Variants in LETM2 observed in about 807,000 individuals in gnomAD.
LETM2 encodes the protein LETM1 domain-containing protein LETM2, mitochondrial.
LETM2 carries 58 observed loss-of-function variants against 59.6 expected under a neutral mutation model. The observed-to-expected ratio is 0.97, with a 90% CI of 0.79 to 1.21. The LOEUF (loss-of-function observed/expected upper bound fraction) is 1.21. LETM2 is among the 50% of genes most tolerant of loss of function. The probability of loss-of-function intolerance (pLI) is 0.00; values close to 1 mark genes in which losing one functional copy is unlikely to be tolerated. For missense variants in LETM2, 572 were observed against 575.7 expected (o/e 0.99, Z 0.07); for synonymous variants, 199 against 214.1 (o/e 0.93, Z 0.62).
intron 8 of LETM2, chr8:38,406,745 C>CA: frequency 2.1e-6 from 1 of 466,746 alleles, no homozygotes; most frequent in South Asian, 4.8e-5. Flanking sequence ...ATAAAGTACT[C>CA]AAAACTCAAA....
At chr8:38,392,476 C>A (rs1812371011) in intron 2 of LETM2, 66 bp from the exon 3 acceptor site, 2 of 964,652 alleles carry the variant, frequency 2.1e-6, no homozygotes, top group East Asian at 2.4e-5. Context: ...ATAATATGTG[C>A]TTTATGATAG....
At chr8:38,406,160 G>A (rs1018892744) in intron 8 of LETM2, among the ~76,000 whole-genome samples, 2 of 152,186 alleles carry the variant, frequency 1.3e-5, no homozygotes, top group Non-Finnish European at 2.9e-5. Flanking sequence ...CATTCTTATC[G>A]TTATCTATTT....
At position 38,407,478 on chromosome 8, in the gene LETM2, T is replaced by C. The variant is rs781695751; in HGVS notation, c.1413+15T>C. The C allele has an allele frequency of 3.3e-6, 5 of 1,514,316 alleles. No homozygotes were observed. Among genetic ancestry groups the C allele is most frequent in the Non-Finnish European group, 4.6e-6 (5 of 1,090,910 alleles). The allele number at this position is 1,514,316 out of a possible 1,614,324, so 93.8% of individuals were successfully genotyped here. On this transcript the variant is annotated intron_variant, in intron 10 of 10. Coordinates refer to ENST00000379957, the MANE Select transcript of LETM2 (RefSeq NM_001286819.2). ...CTGAAGAACCTGTAAGTATCTTTAA[T>C]AAATGAAAAAGAAAGAGAAGACCCT... is the stretch of plus-strand genomic sequence containing the variant.
Position 38,386,504 on chromosome 8 carries a change from C to T in LETM2, c.-99C>T, listed in dbSNP as rs1811783338. The T allele has an allele frequency of 6.6e-6, 1 of 152,286 alleles. No homozygotes were observed. The highest frequency in any genetic ancestry group is 1.5e-5 in the Non-Finnish European group (1 of 68,142). The allele number at this position is 152,286 out of a possible 1,614,324, so 9.4% of individuals were successfully genotyped here. Reference sequence around the variant, plus strand: ...GAGACTTGGCTTCGGGCCCTTCTAGCTTGGGGGTCCCGGGAAGGAGCTGGG... The same window carrying T: ...GAGACTTGGCTTCGGGCCCTTCTAGTTTGGGGGTCCCGGGAAGGAGCTGGG... On this transcript the variant is annotated 5_prime_UTR_variant, in exon 1 of 11. Coordinates refer to ENST00000379957, the MANE Select transcript of LETM2 (RefSeq NM_001286819.2).
At chr8:38,389,961 T>C (rs940253709) in intron 2 of LETM2, among the ~76,000 whole-genome samples, 1 of 135,150 alleles carries the variant, frequency 7.4e-6, no homozygotes, top group Non-Finnish European at 1.5e-5. Flanking sequence ...ATCACACCAC[T>C]GCACTCCAGT....
In LETM2 at chr8:38,392,859, A is replaced by G; in HGVS notation, c.365A>G (p.Tyr122Cys). 1 of 1,614,200 alleles carries G rather than the reference A, an allele frequency of 6.2e-7. No individual in the cohort carries two copies. ...GMEIKEGKQS[Y>C]RQKIMDELKY... Reference sequence around the variant, plus strand: ...GAGATTAAAGAAGGCAAACAATCTTATAGACAAAAAATCATGGATGAACTA... The same window carrying G: ...GAGATTAAAGAAGGCAAACAATCTTGTAGACAAAAAATCATGGATGAACTA... Residue 122 changes from tyrosine to cysteine, a missense_variant, in exon 3 of 11, where the codon TAT becomes TGT. Coordinates refer to ENST00000379957, the MANE Select transcript of LETM2 (RefSeq NM_001286819.2).
chr8:38,384,452 A>G (rs1407739055), upstream of LETM2, among the ~76,000 whole-genome samples: 3 of 152,244 alleles, frequency 2.0e-5, no homozygotes, highest in Non-Finnish European at 4.4e-5. Flanking sequence ...AGTATCTAAC[A>G]TCTTCTGAGG....
intron 2 of LETM2, among the ~76,000 whole-genome samples, chr8:38,388,768 T>C (rs574194868): frequency 2.6e-5 from 4 of 151,798 alleles, no homozygotes; most frequent in Non-Finnish European, 4.4e-5. Context: ...TTGTTTGTTT[T>C]TGTTTTCTTT....
At chr8:38,395,985 T>TCA (rs113867034) in intron 4 of LETM2, among the ~76,000 whole-genome samples, 1 of 152,166 alleles carries the variant, frequency 6.6e-6, no homozygotes, top group African/African-American at 2.4e-5. Context: ...GCAAATGCTT[T>TCA]CAGGATTAAT....
upstream of LETM2, among the ~76,000 whole-genome samples, chr8:38,385,725 C>T (rs1811746647): frequency 6.6e-6 from 1 of 152,194 alleles, no homozygotes; most frequent in Admixed American, 6.5e-5. Context: ...ACTCTTTCTT[C>T]TGGAGCCAGA....
upstream of LETM2, among the ~76,000 whole-genome samples, chr8:38,385,506 G>A (rs190633235): frequency 6.6e-6 from 1 of 152,296 alleles, no homozygotes. Flanking sequence ...CGATTCTCCT[G>A]CCTCAGCCTC....
intron 10 of LETM2, 131 bp from the exon 11 acceptor site, chr8:38,408,081 C>T (rs1296549783): frequency 1.5e-6 from 1 of 672,452 alleles, no homozygotes. Context: ...TCTTTTATTA[C>T]CAAGGTAAAT....
Position 38,387,934 on chromosome 8 carries a change from T to TA in LETM2, c.-34-15dup, listed in dbSNP as rs1388505000. ...TTTTTAAACTACTAAATTGTTTACT[T>TA]ACTCCTTTTGCCTAGGTCCCTATGT... On this transcript the variant is annotated splice_polypyrimidine_tract_variant and intron_variant, in intron 1 of 10. Coordinates refer to ENST00000379957, the MANE Select transcript of LETM2 (RefSeq NM_001286819.2). 2 of 989,450 alleles carry TA rather than the reference T, an allele frequency of 2.0e-6. No individual in the cohort carries two copies. Among genetic ancestry groups the TA allele is most frequent in the African/African-American group, 3.3e-5 (2 of 61,364 alleles). The allele number at this position is 989,450 out of a possible 1,614,324, so 61.3% of individuals were successfully genotyped here.
At chr8:38,391,348 G>A (rs1173512562) in intron 2 of LETM2, among the ~76,000 whole-genome samples, 2 of 145,078 alleles carry the variant, frequency 1.4e-5, no homozygotes, top group South Asian at 2.1e-4. Context: ...TTGTCGCCAG[G>A]CTGGAGTGCA....
intron 2 of LETM2, among the ~76,000 whole-genome samples, 153 bp from the exon 3 acceptor site, chr8:38,392,389 C>T (rs1455541513): frequency 6.6e-6 from 1 of 151,530 alleles, no homozygotes; most frequent in African/African-American, 2.4e-5. Flanking sequence ...TGCACCACTG[C>T]ACTCCAGCCT....
At chr8:38,398,344 G>T (rs1038847676) in intron 4 of LETM2, among the ~76,000 whole-genome samples, 1 of 152,156 alleles carries the variant, frequency 6.6e-6, no homozygotes, top group Non-Finnish European at 1.5e-5. Flanking sequence ...TTATTTAAAT[G>T]TTACCTCTTT....
intron 4 of LETM2, among the ~76,000 whole-genome samples, chr8:38,397,862 G>A (rs1443826147): frequency 3.3e-5 from 5 of 152,120 alleles, no homozygotes; most frequent in African/African-American, 7.2e-5. Context: ...CTTGAAGGCC[G>A]GGCGTGGTGG....
intron 4 of LETM2, among the ~76,000 whole-genome samples, chr8:38,399,668 T>A (rs963230969): frequency 6.6e-6 from 1 of 151,570 alleles, no homozygotes; most frequent in Non-Finnish European, 1.5e-5. Flanking sequence ...ATCCCAGCTA[T>A]TCGAGAGGCT....
At position 38,392,810 on chromosome 8, in the gene LETM2, C is replaced by A. The variant is rs1376227478; in HGVS notation, c.316C>A (p.Gln106Lys). ...AAAACATCCACAGGTGACAAGCCCT[C>A]AGGCCACAAAAGAAACTGGCATGGA... ...ATKHPQVTSP[Q>K]ATKETGMEIK... Residue 106 changes from glutamine (Q) to lysine (K), a missense_variant, in exon 3 of 11, where the codon CAG becomes AAG. Coordinates refer to ENST00000379957, the MANE Select transcript of LETM2 (RefSeq NM_001286819.2). 1 of 1,614,134 alleles carries A rather than the reference C, an allele frequency of 6.2e-7. No individual in the cohort carries two copies. The highest frequency in any genetic ancestry group is 8.5e-7 in the Non-Finnish European group (1 of 1,180,036).
Sources: allele counts gnomAD v4.1 joint callset (sites outside exome capture counted in the v4.1 genomes callset), GRCh38; gene constraint gnomAD v4.1.1; transcripts MANE v1.5; gene names NCBI Gene and HGNC (gene_info 2026-07-23, HGNC 2026-07-21).